AHNAK: variants seen among roughly 807,000 people sequenced by gnomAD.
AHNAK encodes AHNAK nucleoprotein.
Under a neutral mutation model 37.8 loss-of-function variants are expected in AHNAK, and 23 were observed. The observed-to-expected ratio is 0.61, with a 90% CI of 0.44 to 0.86. The LOEUF is 0.86. AHNAK is among the 40% of genes least tolerant of loss of function. AHNAK has a pLI of 0.00. For synonymous variants in AHNAK, 2,481 were observed against 2,636.3 expected (o/e 0.94, Z 1.80); for missense variants, 7,411 against 7,319.4 (o/e 1.01, Z -0.46).
chr11:62,494,576 G>A (rs1033815127), intron 4 of AHNAK, among the ~76,000 whole-genome samples: 2 of 152,000 alleles, frequency 1.3e-5, no homozygotes, highest in Non-Finnish European at 2.9e-5. Flanking sequence ...GCTAGAAAGA[G>A]CCAGAGCTGG....
Position 62,527,351 on chromosome 11 carries a change from C to A in AHNAK, c.7066G>T (p.Asp2356Tyr). The A allele has an allele frequency of 5.6e-6, 9 of 1,613,948 alleles. No homozygotes were observed. Among genetic ancestry groups the A allele is most frequent in the Non-Finnish European group, 7.6e-6 (9 of 1,179,942 alleles). Residue 2356 changes from aspartate (D) to tyrosine (Y), a missense_variant, in exon 5 of 5, where the codon GAC (aspartate) becomes TAC (tyrosine). By Grantham distance (160) the Asp-to-Tyr change is radical. Transcript: ENST00000378024. ...LDVKGPKLDA[D>Y]MPEVAVEGPN... is the part of the protein sequence containing the mutation. ...CCTTCCACAGCTACTTCTGGCATGT[C>A]AGCATCTAATTTGGGACCTTTGACA...
In AHNAK at chr11:62,517,521, C is replaced by T; in HGVS notation, c.16896G>A (p.Gln5632=). 4 of 1,614,190 alleles carry T rather than the reference C, an allele frequency of 2.5e-6. No individual in the cohort carries two copies. Among genetic ancestry groups the T allele is most frequent in the Non-Finnish European group, 3.4e-6 (4 of 1,180,034 alleles). Residue 5632 remains glutamine (Q), a synonymous_variant, in exon 5 of 5, where the codon CAG becomes CAA. Coordinates refer to ENST00000378024, the MANE Select transcript of AHNAK (RefSeq NM_001620.3). Reference sequence around the variant, plus strand: ...TCAGCCCAGGAGCCTGGAGTCCAATCTGACCTCCTTTCACACCTCCTTCCA... The same window carrying T: ...TCAGCCCAGGAGCCTGGAGTCCAATTTGACCTCCTTTCACACCTCCTTCCA... ...PKVEGGVKGG[Q]IGLQAPGLSV...
At chr11:62,455,373 C>T (rs1043662583) in intron 5 of AHNAK, among the ~76,000 whole-genome samples, 9 of 152,030 alleles carry the variant, frequency 5.9e-5, no homozygotes, top group African/African-American at 2.2e-4. Flanking sequence ...GCTGGCTCCC[C>T]CATTTTGCCT....
chr11:62,438,195 TTTTC>T (rs1437900254), intron 5 of AHNAK, among the ~76,000 whole-genome samples: 9 of 129,772 alleles, frequency 6.9e-5, no homozygotes, highest in Admixed American at 2.7e-4. Context: ...TTTTTTTTTT[TTTTC>T]CTGAGACTGA....
At chr11:62,484,099 G>T (rs1939339839) in intron 5 of AHNAK, among the ~76,000 whole-genome samples, 2 of 151,306 alleles carry the variant, frequency 1.3e-5, no homozygotes, top group African/African-American at 2.4e-5. Context: ...AGGGATGGCT[G>T]GGTGCAATGG....
rs763371020 is a variant in AHNAK, at chr11:62,517,175, C to A, written c.17242G>T (p.Ala5748Ser). 4.3e-6 allele frequency: 7 copies of A among 1,613,774 alleles called. No individual in the cohort carries two copies. Among genetic ancestry groups the A allele is most frequent in the South Asian group, 1.1e-5 (1 of 91,082 alleles). The change falls in exon 5 of 5, where the codon GCC becomes TCC. Residue 5748 changes from alanine to serine, a missense_variant. Physicochemically the swap from Ala to Ser is moderately conservative, Grantham distance 99. Coordinates refer to ENST00000378024, the MANE Select transcript of AHNAK (RefSeq NM_001620.3). Reference sequence around the variant, plus strand: ...TCTCCTTCCAGAGAGCCCAGGCTGGCCTTTGAACTTTTCAGGTCACCTTTG... The same window carrying A: ...TCTCCTTCCAGAGAGCCCAGGCTGGACTTTGAACTTTTCAGGTCACCTTTG... ...GSKGDLKSSKASLGSLEGEAE... is the reference protein window; with the variant it reads ...GSKGDLKSSKSSLGSLEGEAE...
downstream of AHNAK, among the ~76,000 whole-genome samples, chr11:62,514,108 G>A (rs1435055087): frequency 6.6e-6 from 1 of 152,096 alleles, no homozygotes; most frequent in Admixed American, 6.6e-5. Flanking sequence ...AAATTTAATT[G>A]ATATATTATT....
rs11231129 is a variant in AHNAK at position 62,524,849 on chromosome 11, C to T, written c.9568G>A (p.Val3190Ile). The T allele has an allele frequency of 1.7e-4, 280 of 1,614,168 alleles. 3 individuals carry two copies. In the African/African-American group the frequency reaches 3.5e-3, roughly 20 times the overall value. Residue 3190 changes from valine to isoleucine, a missense_variant, in exon 5 of 5, where the codon GTT becomes ATT. By Grantham distance (29) the Val-to-Ile change is conservative. Coordinates refer to ENST00000378024, the MANE Select transcript of AHNAK (RefSeq NM_001620.3). Reference sequence around the variant, plus strand: ...GGACCTTCAATATTCACATCTGGAACATCAACGTCCACCTTGGGTCCTGAG... The same window carrying T: ...GGACCTTCAATATTCACATCTGGAATATCAACGTCCACCTTGGGTCCTGAG... ...DVSGPKVDVD[V>I]PDVNIEGPDA...
At position 62,528,640 on chromosome 11, in the gene AHNAK, T is replaced by A; in HGVS notation, c.5777A>T (p.Asp1926Val). 3 of 1,610,098 alleles carry A rather than the reference T, an allele frequency of 1.9e-6. No homozygotes were observed. Among genetic ancestry groups the A allele is most frequent in the South Asian group, 2.2e-5 (2 of 90,718 alleles). Residue 1926 changes from aspartate to valine, a missense_variant, in exon 5 of 5, where the codon GAT becomes GTT. Physicochemically the swap from Asp to Val is radical, Grantham distance 152 (BLOSUM62 -3). Coordinates refer to ENST00000378024, the MANE Select transcript of AHNAK (RefSeq NM_001620.3). ...GGGGCCTTTCAAGTGTAAGTCCACATCAGGCATGGAGATCTTGGGGGCCTT... is the reference window on the plus strand; with the variant it reads ...GGGGCCTTTCAAGTGTAAGTCCACAACAGGCATGGAGATCTTGGGGGCCTT... ...HFKAPKISMPDVDLHLKGPKV... is the reference protein window; with the variant it reads ...HFKAPKISMPVVDLHLKGPKV...
At position 62,528,747 on chromosome 11, in the gene AHNAK, A is replaced by C. The variant is rs534618098; in HGVS notation, c.5670T>G (p.Gly1890=). ...CCAGCTCAACATCAGGCACCTCCAC[A>C]CCCACACTGGGGCCTGTTAAATCTC... ...LEGDLTGPSV[G]VEVPDVELEC... Residue 1890 remains glycine (G), a synonymous_variant, in exon 5 of 5, where the codon GGT becomes GGG. Transcript: ENST00000378024. The C allele has an allele frequency of 6.3e-7, 1 of 1,595,650 alleles. No individual in the cohort carries two copies. Among genetic ancestry groups the C allele is most frequent in the African/African-American group, 1.5e-5 (1 of 68,616 alleles).
In AHNAK at chr11:62,521,334, G is replaced by A. The variant is rs142600667; in HGVS notation, c.13083C>T (p.Ile4361=). ...KVDIDAPDVS[I]EGPDAKLKGP... is the part of the protein sequence containing the mutation. ...CCTTGAGTTTTGCATCTGGACCTTC[G>A]ATACTGACATCAGGGGCATCAATGT... The change falls in exon 5 of 5, where the codon ATC becomes ATT. Residue 4361 remains isoleucine (I), a synonymous_variant. Coordinates refer to ENST00000378024, the MANE Select transcript of AHNAK (RefSeq NM_001620.3). The A allele has an allele frequency of 1.4e-3, 2,275 of 1,613,408 alleles. 2 individuals carry two copies. Among genetic ancestry groups the A allele is most frequent in the Non-Finnish European group, 1.8e-3 (2,150 of 1,179,846 alleles).
intron 4 of AHNAK, among the ~76,000 whole-genome samples, chr11:62,534,352 A>G (rs1049495688): frequency 6.6e-6 from 1 of 152,156 alleles, no homozygotes; most frequent in African/African-American, 2.4e-5. Flanking sequence ...GAGGATTTCC[A>G]TTCAGTTAGA....
intron 5 of AHNAK, among the ~76,000 whole-genome samples, chr11:62,468,142 A>T (rs1377183567): frequency 6.6e-6 from 1 of 152,076 alleles, no homozygotes; most frequent in Non-Finnish European, 1.5e-5. Flanking sequence ...TGAGGTCAGG[A>T]GTTTGAGACT....
chr11:62,543,654 C>A (rs140924568), intron 1 of AHNAK, among the ~76,000 whole-genome samples: 6 of 152,204 alleles, frequency 3.9e-5, no homozygotes, highest in Non-Finnish European at 8.8e-5. Flanking sequence ...CTCGGGCACA[C>A]CCAGGAACGC....
chr11:62,518,037 T>G lies in AHNAK; in HGVS notation c.16380A>C (p.Lys5460Asn). The G allele has an allele frequency of 2.5e-6, 4 of 1,614,204 alleles. No homozygotes were observed. The highest frequency in any genetic ancestry group is 3.4e-6 in the Non-Finnish European group (4 of 1,180,040). The change falls in exon 5 of 5, where the codon AAA (lysine) becomes AAC (asparagine). Residue 5460 changes from lysine (K) to asparagine (N), a missense_variant. Physicochemically the swap from Lys to Asn is moderately conservative, Grantham distance 94. Transcript: ENST00000378024. ...PNVDFNLEGP[K>N]VKGSLGATGE... Reference sequence around the variant, plus strand: ...CAGTGGCCCCAAGGCTCCCTTTCACTTTTGGTCCTTCCAAGTTAAAGTCCA... The same window carrying G: ...CAGTGGCCCCAAGGCTCCCTTTCACGTTTGGTCCTTCCAAGTTAAAGTCCA...
At chr11:62,476,543 T>C (rs1163960907) in intron 5 of AHNAK, among the ~76,000 whole-genome samples, 1 of 152,154 alleles carries the variant, frequency 6.6e-6, no homozygotes, top group Non-Finnish European at 1.5e-5. Context: ...AACATGGACA[T>C]TGGACGGTCG....
chr11:62,516,066 C>T lies in AHNAK; in HGVS notation c.*678G>A, dbSNP rs1165358896. ...CATGGCGGCATGAAGGAAACAGTTCCCTTACAAAACACAGAAAATGGAAGC... is the reference window on the plus strand; with the variant it reads ...CATGGCGGCATGAAGGAAACAGTTCTCTTACAAAACACAGAAAATGGAAGC... On this transcript the variant is annotated 3_prime_UTR_variant, in exon 5 of 5. Transcript: ENST00000378024. The T allele has an allele frequency of 8.2e-7, 1 of 1,215,156 alleles. No homozygotes were observed. The highest frequency in any genetic ancestry group is 1.6e-5 in the African/African-American group (1 of 63,108). The allele number at this position is 1,215,156 out of a possible 1,614,324, so 75.3% of individuals were successfully genotyped here. A position where few individuals can be genotyped will look rare whatever the true frequency, so the allele number is the denominator to read the frequency against.
chr11:62,448,788 G>T (rs1938471051), intron 5 of AHNAK, among the ~76,000 whole-genome samples: 1 of 152,212 alleles, frequency 6.6e-6, no homozygotes, highest in Non-Finnish European at 1.5e-5. Context: ...GTTCTGGGAA[G>T]GCCGGGCACA....
intron 5 of AHNAK, among the ~76,000 whole-genome samples, chr11:62,452,475 A>T (rs1174717421): frequency 5.3e-5 from 8 of 152,152 alleles, no homozygotes; most frequent in Non-Finnish European, 1.2e-4. Flanking sequence ...GTGGTTTCTT[A>T]CGAGCTGCTA....
Sources: gnomAD v4.1 joint callset for allele counts (sites outside exome capture counted in the v4.1 genomes callset) on GRCh38, gnomAD v4.1.1 for gene constraint, MANE v1.5 for transcripts, NCBI Gene and HGNC (gene_info 2026-07-23, HGNC 2026-07-21) for gene names.